ANKRD26: variants seen among roughly 807,000 people sequenced by gnomAD.
ANKRD26 encodes the protein ankyrin repeat domain-containing protein 26.
A neutral mutation model predicts 208.7 loss-of-function variants in ANKRD26; 141 were observed. The observed-to-expected ratio is 0.68, with a 90% confidence interval of 0.59 to 0.78. The LOEUF (loss-of-function observed/expected upper bound fraction) is 0.78. Ranked by LOEUF, ANKRD26 falls within the 30% of genes least tolerant of loss-of-function variation. ANKRD26 has a pLI of 0.00. For missense variants in ANKRD26, 1,889 were observed against 1,938.7 expected, an observed-to-expected ratio of 0.97 and a Z score of 0.48; for synonymous variants, 636 against 660.4, an observed-to-expected ratio of 0.96 and a Z score of 0.57.
In ANKRD26 at chr10:27,100,344, T is replaced by C. The variant is rs2056610901; in HGVS notation, c.-18A>G. On this transcript the variant is annotated 5_prime_UTR_variant, in exon 1 of 34. Transcript: ENST00000376087. ...TTCTTCATGGCCCAGGCGACCGGGC[T>C]TCAGAGACACCTCATGTCTCTCTCG... 2 of 1,604,726 alleles carry C rather than the reference T, an allele frequency of 1.2e-6. No homozygotes were observed. Among genetic ancestry groups the C allele is most frequent in the Non-Finnish European group, 1.7e-6 (2 of 1,179,786 alleles).
At chr10:27,066,591 T>A in intron 10 of ANKRD26, 43 bp from the exon 11 acceptor site, 3 of 1,336,774 alleles carry the variant, frequency 2.2e-6, no homozygotes, top group Non-Finnish European at 3.2e-6. Context: ...GAACATTTAC[T>A]ATTGTAAATT....
At chr10:27,040,278 T>C (rs1249401705) in intron 20 of ANKRD26, 100 bp from the exon 21 acceptor site, 1 of 840,744 alleles carries the variant, frequency 1.2e-6, no homozygotes, top group Non-Finnish European at 1.9e-6. Flanking sequence ...ACCAATTACA[T>C]ATTGAGGGCC....
At chr10:27,086,452 C>T (rs1589366878) in intron 5 of ANKRD26, 87 bp downstream of exon 5, 1 of 1,534,818 alleles carries the variant, frequency 6.5e-7, no homozygotes. Context: ...ATTTTTAAAA[C>T]TGCTTTTCTG....
chr10:27,072,968 C>G (rs945999976), intron 9 of ANKRD26, among the ~76,000 whole-genome samples: 3 of 152,194 alleles, frequency 2.0e-5, no homozygotes, highest in Non-Finnish European at 4.4e-5. Flanking sequence ...GGATCCCTTG[C>G]AGACATTCCC....
chr10:27,093,656 T>C (rs1296189945), intron 2 of ANKRD26, 29 bp downstream of exon 2: 1 of 1,605,016 alleles, frequency 6.2e-7, no homozygotes. Flanking sequence ...CAAATCCATC[T>C]GATGCTGAAA....
chr10:27,050,082 T>C, intron 16 of ANKRD26, among the ~76,000 whole-genome samples: 1 of 150,500 alleles, frequency 6.6e-6, no homozygotes, highest in East Asian at 1.9e-4. Context: ...TAGCCGGGTG[T>C]GGTGGTGGGC....
downstream of ANKRD26, among the ~76,000 whole-genome samples, chr10:26,973,449 A>ATC (rs1208505131): frequency 6.6e-6 from 1 of 150,398 alleles, no homozygotes; most frequent in East Asian, 1.9e-4. Context: ...TGCCATATAT[A>ATC]TCTTTCCTTT....
At chr10:27,022,892 T>C (rs968703895) in intron 28 of ANKRD26, among the ~76,000 whole-genome samples, 18 of 152,248 alleles carry the variant, frequency 1.2e-4, no homozygotes, top group Non-Finnish European at 1.0e-4. Context: ...ATGACATATA[T>C]GGCAGATAAA....
chr10:26,988,666 TG>T (rs955989069), downstream of ANKRD26, among the ~76,000 whole-genome samples: 3 of 152,140 alleles, frequency 2.0e-5, no homozygotes, highest in Admixed American at 6.6e-5. Context: ...TGAGAAATAC[TG>T]GCTGGGAGTG....
At position 27,091,540 on chromosome 10, in the gene ANKRD26, C is replaced by A. The variant is rs555721981; in HGVS notation, c.638+866G>T. ...GCGATCAACAATCACCTAGGGATAA[C>A]CTAACATCCGTACTCTTCAAAGAAA... On this transcript the variant is annotated intron_variant, in intron 4 of 33. Coordinates refer to ENST00000376087, the MANE Select transcript of ANKRD26 (RefSeq NM_014915.3). Among the ~76,000 whole-genome samples, 5 of 152,220 alleles carry A rather than the reference C, an allele frequency of 3.3e-5. No homozygotes were observed. In the South Asian group the frequency reaches 6.2e-4, roughly 19 times the overall value.
intron 24 of ANKRD26, among the ~76,000 whole-genome samples, chr10:27,034,279 T>C (rs1432986618): frequency 6.6e-6 from 1 of 152,158 alleles, no homozygotes; most frequent in Non-Finnish European, 1.5e-5. Flanking sequence ...AGAATAAAAA[T>C]AAAATCACAT....
intron 4 of ANKRD26, among the ~76,000 whole-genome samples, chr10:26,996,497 T>C (rs1214933768): frequency 1.3e-5 from 2 of 152,080 alleles, no homozygotes; most frequent in Non-Finnish European, 2.9e-5. Flanking sequence ...GAGTCAGAGG[T>C]TGCAGCGAGC....
intron 23 of ANKRD26, among the ~76,000 whole-genome samples, chr10:27,036,252 C>T (rs952527772): frequency 9.2e-5 from 14 of 151,844 alleles, no homozygotes; most frequent in East Asian, 1.9e-4. Context: ...TTATCAATTA[C>T]GTTTATTGAT....
chr10:26,995,211 C>A, intron 4 of ANKRD26: 1 of 470,294 alleles, frequency 2.1e-6, no homozygotes, highest in Non-Finnish European at 4.4e-6. Context: ...GAGATAAAAG[C>A]AAAACTTCAC....
chr10:26,957,322 A>T, the ANKRD26 span, among the ~76,000 whole-genome samples: 3 of 152,224 alleles, frequency 2.0e-5, no homozygotes, highest in Non-Finnish European at 2.9e-5. Context: ...TCGGAGGCAG[A>T]GGTTGCAGTG....
At chr10:27,019,066 G>C (rs545465085) in intron 29 of ANKRD26, among the ~76,000 whole-genome samples, 1 of 152,178 alleles carries the variant, frequency 6.6e-6, no homozygotes, top group East Asian at 1.9e-4. Context: ...GGATCACGAG[G>C]TCAGGAGATT....
chr10:27,099,953 G>A, intron 1 of ANKRD26, 132 bp downstream of exon 1: 1 of 1,424,994 alleles, frequency 7.0e-7, no homozygotes. Context: ...AGCCCTGCAA[G>A]GTGTCACCGT....
intron 17 of ANKRD26, among the ~76,000 whole-genome samples, chr10:27,048,483 G>T (rs1231708453): frequency 6.6e-6 from 1 of 152,010 alleles, no homozygotes; most frequent in Admixed American, 6.5e-5. Context: ...GTTAAAGATA[G>T]GAAATATTTG....
At chr10:27,064,113 AT>A in intron 11 of ANKRD26, 32 bp from the exon 12 acceptor site, 1 of 1,434,948 alleles carries the variant, frequency 7.0e-7, no homozygotes, top group Non-Finnish European at 9.7e-7. Flanking sequence ...ATGAGTTTCA[AT>A]TTTACAAAAA....
Sources: allele counts gnomAD v4.1 joint callset (sites outside exome capture counted in the v4.1 genomes callset), GRCh38; gene constraint gnomAD v4.1.1; transcripts MANE v1.5; gene names NCBI Gene and HGNC (gene_info 2026-07-23, HGNC 2026-07-21).